The following CUL2 variants were observed in gnomAD, a reference collection of about 807,000 sequenced individuals.
CUL2 encodes the protein cullin-2.
Under a neutral mutation model 110.2 loss-of-function variants are expected in CUL2, and 22 were observed. That is an observed-to-expected ratio of 0.20 (90% CI 0.14 to 0.28). CUL2 has a LOEUF of 0.28. Ranked by LOEUF, CUL2 falls within the 10% of genes least tolerant of loss-of-function variation. CUL2 has a pLI of 1.00. For missense variants in CUL2, 631 were observed against 905.5 expected, an observed-to-expected ratio of 0.70 and a Z score of 3.89; for synonymous variants, 279 against 293.2, an observed-to-expected ratio of 0.95 and a Z score of 0.49.
intron 6 of CUL2, among the ~76,000 whole-genome samples, chr10:35,047,052 C>T (rs1383399942): frequency 6.6e-6 from 1 of 152,114 alleles, no homozygotes; most frequent in Non-Finnish European, 1.5e-5. Flanking sequence ...TAAAATTTTC[C>T]AGGTAATAAA....
At position 35,108,763 on chromosome 10, in the gene CUL2, G is replaced by A. The variant is rs184163819; in HGVS notation, c.-50-7703C>T. Reference sequence around the variant, plus strand: ...TCTGAAGGCTTGACTGTGGTTGGGGGATCCTGCTACCAAACCCACTTACAT... The same window carrying A: ...TCTGAAGGCTTGACTGTGGTTGGGGAATCCTGCTACCAAACCCACTTACAT... On this transcript the variant is annotated intron_variant, in intron 1 of 5. Coordinates refer to the CUL2 transcript ENST00000685421. Among the ~76,000 whole-genome samples the A allele has an allele frequency of 3.5e-4, 53 of 152,214 alleles. No homozygotes were observed. The East Asian group carries it at 0.01, about 29-fold the overall frequency.
intron 16 of CUL2, among the ~76,000 whole-genome samples, chr10:35,026,395 C>T (rs1223579084): frequency 1.3e-5 from 2 of 152,200 alleles, no homozygotes; most frequent in Non-Finnish European, 2.9e-5. Flanking sequence ...ATTTATAACA[C>T]ATTTACAATG....
intron 2 of CUL2, among the ~76,000 whole-genome samples, chr10:35,069,556 A>T (rs931929516): frequency 1.1e-4 from 16 of 142,502 alleles, no homozygotes; most frequent in African/African-American, 2.8e-4. Flanking sequence ...AGTAAAAATT[A>T]AAAAAAAAAA....
At chr10:35,077,626 T>G (rs999193826) in intron 1 of CUL2, among the ~76,000 whole-genome samples, 2 of 151,766 alleles carry the variant, frequency 1.3e-5, no homozygotes, top group Non-Finnish European at 1.5e-5. Context: ...AAGACCAGCC[T>G]GACCAACATG....
chr10:35,032,592 G>A (rs978976437), intron 11 of CUL2, 98 bp from the exon 12 acceptor site: 18 of 857,200 alleles, frequency 2.1e-5, no homozygotes, highest in African/African-American at 1.1e-4. Flanking sequence ...AAATTACCCC[G>A]CCACATAAAA....
intron 5 of CUL2, among the ~76,000 whole-genome samples, chr10:35,053,359 T>C (rs2086160915): frequency 6.6e-6 from 1 of 152,238 alleles, no homozygotes; most frequent in Non-Finnish European, 1.5e-5. Flanking sequence ...TATAATTTTG[T>C]GTCCAAATTT....
intron 1 of CUL2, among the ~76,000 whole-genome samples, chr10:35,113,661 G>A (rs899612306): frequency 3.3e-5 from 5 of 151,130 alleles, no homozygotes; most frequent in African/African-American, 1.2e-4. Flanking sequence ...CAATCAATAG[G>A]AACAAACTCA....
chr10:35,079,882 G>C (rs766447793), intron 1 of CUL2, among the ~76,000 whole-genome samples: 10 of 152,136 alleles, frequency 6.6e-5, no homozygotes, highest in South Asian at 2.1e-4. Context: ...AACTGCAACA[G>C]TCTATCTGAT....
intron 4 of CUL2, among the ~76,000 whole-genome samples, chr10:35,056,898 G>A: frequency 6.6e-6 from 1 of 152,196 alleles, no homozygotes; most frequent in East Asian, 1.9e-4. Flanking sequence ...CAGTCTTCCT[G>A]TCTTCCTAAA....
At chr10:35,076,468 T>G (rs1300215444) in intron 1 of CUL2, among the ~76,000 whole-genome samples, 5 of 152,120 alleles carry the variant, frequency 3.3e-5, no homozygotes, top group Non-Finnish European at 7.4e-5. Context: ...TGCCAAAAAT[T>G]TTAGAGCAAT....
intron 16 of CUL2, among the ~76,000 whole-genome samples, chr10:35,025,561 A>G (rs1443993848): frequency 6.6e-6 from 1 of 152,224 alleles, no homozygotes; most frequent in East Asian, 1.9e-4. Flanking sequence ...TTCACCATGA[A>G]AAGAGAAACC....
intron 2 of CUL2, among the ~76,000 whole-genome samples, chr10:35,066,464 A>G (rs1171639252): frequency 1.3e-4 from 12 of 95,608 alleles, no homozygotes; most frequent in Non-Finnish European, 3.1e-4. Flanking sequence ...TGCCTGGCTA[A>G]TTTTTTTGTA....
At chr10:35,072,423 C>T (rs1208787773) in intron 1 of CUL2, among the ~76,000 whole-genome samples, 1 of 151,264 alleles carries the variant, frequency 6.6e-6, no homozygotes, top group Non-Finnish European at 1.5e-5. Context: ...GGCTGGAGTG[C>T]AGTGGCGCAA....
chr10:35,013,854 G>C (rs1407913211), intron 18 of CUL2, 54 bp from the exon 19 acceptor site: 1 of 1,209,938 alleles, frequency 8.3e-7, no homozygotes, highest in Non-Finnish European at 1.1e-6. Context: ...CTTTAAATAA[G>C]AGTTTGCTGC....
At chr10:35,098,384 A>G (rs768925218) in intron 2 of CUL2, among the ~76,000 whole-genome samples, 45 of 152,206 alleles carry the variant, frequency 3.0e-4, no homozygotes, top group Non-Finnish European at 5.1e-4. Context: ...TATACATGAC[A>G]TGTGAAAGAA....
intron 1 of CUL2, among the ~76,000 whole-genome samples, chr10:35,110,068 G>A (rs185858564): frequency 2.8e-3 from 420 of 151,536 alleles, no homozygotes; most frequent in Non-Finnish European, 4.8e-3. Context: ...TCAGCTACTC[G>A]GGAGGCTGAG....
At chr10:35,014,860 T>G (rs2084987348) in intron 18 of CUL2, among the ~76,000 whole-genome samples, 1 of 152,066 alleles carries the variant, frequency 6.6e-6, no homozygotes, top group South Asian at 2.1e-4. Context: ...AAATAAAATT[T>G]AAAGTGCAAA....
intron 18 of CUL2, among the ~76,000 whole-genome samples, chr10:35,014,122 T>C (rs2084969926): frequency 6.6e-6 from 1 of 152,224 alleles, no homozygotes; most frequent in African/African-American, 2.4e-5. Context: ...GAGTTTGACA[T>C]TTTAATTTTT....
chr10:35,091,818 C>T (rs1205347029), upstream of CUL2, among the ~76,000 whole-genome samples: 1 of 151,792 alleles, frequency 6.6e-6, no homozygotes, highest in African/African-American at 2.4e-5. Context: ...CAGGGTTTCA[C>T]CATGTCACCA....
Sources: allele counts gnomAD v4.1 joint callset (sites outside exome capture counted in the v4.1 genomes callset), GRCh38; gene constraint gnomAD v4.1.1; transcripts MANE v1.5; gene names NCBI Gene and HGNC (gene_info 2026-07-23, HGNC 2026-07-21).